GTF2A1L: variants seen among roughly 807,000 people sequenced by gnomAD.
GTF2A1L encodes the protein TFIIA-alpha and beta-like factor.
GTF2A1L carries 48 observed loss-of-function variants against 49.7 expected under a neutral mutation model. That is an observed-to-expected ratio of 0.97 (90% CI 0.77 to 1.23). The LOEUF is 1.23. Among genes scored for constraint, GTF2A1L ranks in the 50% most tolerant of loss-of-function variants. GTF2A1L has a pLI of 0.00. For missense variants in GTF2A1L, 736 were observed against 564.8 expected, an observed-to-expected ratio of 1.30 and a Z score of -3.07; for synonymous variants, 246 against 193.5, an observed-to-expected ratio of 1.27 and a Z score of -2.25.
At chr2:48,672,297 G>A (rs1015294204) in intron 8 of GTF2A1L, among the ~76,000 whole-genome samples, 1 of 152,330 alleles carries the variant, frequency 6.6e-6, no homozygotes, top group South Asian at 2.1e-4. Context: ...TGAACAAAGT[G>A]TCTTTTATTG....
intron 3 of GTF2A1L, among the ~76,000 whole-genome samples, chr2:48,625,594 T>C (rs1676248337): frequency 7.0e-6 from 1 of 143,106 alleles, no homozygotes; most frequent in African/African-American, 2.5e-5. Context: ...TTTTATTTTA[T>C]TTTTTTGAGG....
At chr2:48,677,505 T>A (rs1679534534) in intron 8 of GTF2A1L, among the ~76,000 whole-genome samples, 1 of 151,856 alleles carries the variant, frequency 6.6e-6, no homozygotes, top group African/African-American at 2.4e-5. Flanking sequence ...GCCAGAGCAG[T>A]AAGTGAGGAA....
chr2:48,664,315 G>GTT (rs796623550), intron 6 of GTF2A1L, among the ~76,000 whole-genome samples: 1 of 142,606 alleles, frequency 7.0e-6, no homozygotes. Context: ...CTTTAATGTA[G>GTT]TTTTTTTTTT....
intron 8 of GTF2A1L, among the ~76,000 whole-genome samples, chr2:48,678,661 G>T (rs890332640): frequency 2.6e-5 from 4 of 151,998 alleles, no homozygotes; most frequent in African/African-American, 4.8e-5. Flanking sequence ...GCTGATTTAT[G>T]GAATCTAGAA....
intron 3 of GTF2A1L, among the ~76,000 whole-genome samples, chr2:48,633,587 T>C (rs1434529827): frequency 6.6e-6 from 1 of 152,224 alleles, no homozygotes; most frequent in Non-Finnish European, 1.5e-5. Context: ...GTATGTTCCA[T>C]GTGCAGATGA....
intron 3 of GTF2A1L, among the ~76,000 whole-genome samples, chr2:48,636,204 C>G (rs1047289413): frequency 3.3e-5 from 5 of 152,236 alleles, no homozygotes; most frequent in Non-Finnish European, 7.4e-5. Context: ...TAATCTGCCA[C>G]CTGAGGAAAA....
chr2:48,632,850 G>A (rs1676662059), intron 3 of GTF2A1L: 1 of 234,804 alleles, frequency 4.3e-6, no homozygotes, highest in African/African-American at 2.4e-5. Context: ...TTGCCAATTG[G>A]TTAACATTTT....
intron 3 of GTF2A1L, among the ~76,000 whole-genome samples, chr2:48,628,329 T>C (rs577392266): frequency 1.4e-5 from 2 of 144,664 alleles, no homozygotes; most frequent in East Asian, 3.9e-4. Flanking sequence ...TGAACTAATT[T>C]ACATTCCCAC....
In GTF2A1L at chr2:48,624,255, T is replaced by C. The variant is rs1379514065; in HGVS notation, c.247+2965T>C. Among the ~76,000 whole-genome samples, 4 of 144,472 alleles carry C rather than the reference T, an allele frequency of 2.8e-5. 1 individual carries two copies. Among genetic ancestry groups the C allele is most frequent in the Non-Finnish European group, 4.7e-5 (3 of 64,162 alleles). The allele number at this position is 144,472 out of a possible 152,430, so 94.8% of individuals were successfully genotyped here. On this transcript the variant is annotated intron_variant, in intron 3 of 8. Transcript: ENST00000403751. ...AATTAAAACAAAAATTTAAAAAATATTGGTTTATTTAAAAATTTAATTACA... is the reference window on the plus strand; with the variant it reads ...AATTAAAACAAAAATTTAAAAAATACTGGTTTATTTAAAAATTTAATTACA...
chr2:48,650,206 C>G (rs777286303), intron 6 of GTF2A1L, among the ~76,000 whole-genome samples: 1 of 152,044 alleles, frequency 6.6e-6, no homozygotes, highest in Non-Finnish European at 1.5e-5. Flanking sequence ...TATACACACT[C>G]GTGTGTAGTG....
At chr2:48,620,826 A>G in intron 1 of GTF2A1L, 25 bp from the exon 2 acceptor site, 1 of 1,158,166 alleles carries the variant, frequency 8.6e-7, no homozygotes, top group Middle Eastern at 2.4e-4. Flanking sequence ...AATAAAATGA[A>G]ACTTTAACAA....
chr2:48,669,611 A>C, intron 6 of GTF2A1L, 111 bp from the exon 7 acceptor site: 1 of 1,293,964 alleles, frequency 7.7e-7, no homozygotes, highest in Non-Finnish European at 1.0e-6. Context: ...CATAAGAGAG[A>C]AGTTTGCTTG....
intron 7 of GTF2A1L, 58 bp from the exon 8 acceptor site, chr2:48,671,533 T>C: frequency 2.6e-6 from 4 of 1,547,432 alleles, no homozygotes; most frequent in Non-Finnish European, 3.5e-6. Context: ...TGTCTCTTTA[T>C]CTTTAAACAA....
rs142371997 is a variant in GTF2A1L, at chr2:48,628,559, G to A, written c.247+7269G>A. ...ACATGTCTTTTGCCCACTTTTTAAT[G>A]GGGTTATTTGATTTTTTGTGAATTG... On this transcript the variant is annotated intron_variant, in intron 3 of 8. Transcript: ENST00000403751. 3.6e-4 allele frequency among the ~76,000 whole-genome samples: 52 copies of A among 143,702 alleles called. 10 individuals carry two copies. Among genetic ancestry groups the A allele is most frequent in the Non-Finnish European group, 7.1e-4 (45 of 63,810 alleles). The allele number at this position is 143,702 out of a possible 152,430, so 94.3% of individuals were successfully genotyped here.
rs1677514544 is a variant in GTF2A1L, at chr2:48,646,452, G to A, written c.389-1G>A. 1.3e-6 allele frequency: 2 copies of A among 1,563,834 alleles called. No individual in the cohort carries two copies. Among genetic ancestry groups the A allele is most frequent in the Non-Finnish European group, 1.7e-6 (2 of 1,160,212 alleles). On this transcript the variant is annotated splice_acceptor_variant, in intron 5 of 8. Transcript: ENST00000403751. LOFTEE classifies it high-confidence loss of function. Reference sequence around the variant, plus strand: ...TACAATTTTGCTTTCTCCTTTTTAAGGTCACCTTTATAAAGTCAATGTACC... The same window carrying A: ...TACAATTTTGCTTTCTCCTTTTTAAAGTCACCTTTATAAAGTCAATGTACC...
At chr2:48,642,827 G>C (rs1426085659) in intron 4 of GTF2A1L, among the ~76,000 whole-genome samples, 1 of 150,558 alleles carries the variant, frequency 6.6e-6, no homozygotes, top group Non-Finnish European at 1.5e-5. Flanking sequence ...TTGCACTCCA[G>C]CGTGGGTGAC....
chr2:48,621,456 T>C (rs189654284), intron 3 of GTF2A1L, 166 bp downstream of exon 3: 2 of 919,084 alleles, frequency 2.2e-6, no homozygotes, highest in Admixed American at 3.9e-5. Flanking sequence ...CATGTAATTA[T>C]TGATTAAAAA....
intron 1 of GTF2A1L, 33 bp downstream of exon 1, chr2:48,617,928 G>C: frequency 1.3e-6 from 2 of 1,551,004 alleles, no homozygotes; most frequent in Non-Finnish European, 1.7e-6. Context: ...TGTAGAGGGA[G>C]CGCCCTGGGA....
intron 1 of GTF2A1L, among the ~76,000 whole-genome samples, chr2:48,619,589 A>C (rs1675862455): frequency 6.6e-6 from 1 of 152,134 alleles, no homozygotes; most frequent in Non-Finnish European, 1.5e-5. Flanking sequence ...TAGGATGAAA[A>C]GGCAATCCTA....
Sources: gnomAD v4.1 joint callset for allele counts (sites outside exome capture counted in the v4.1 genomes callset) on GRCh38, gnomAD v4.1.1 for gene constraint, MANE v1.5 for transcripts, NCBI Gene and HGNC (gene_info 2026-07-23, HGNC 2026-07-21) for gene names.